DNAH3: variants seen among roughly 807,000 people sequenced by gnomAD.
The protein encoded by DNAH3 is axonemal beta dynein heavy chain 3.
In DNAH3, 332 loss-of-function variants were observed where a neutral mutation model predicts 432.5. That is an observed-to-expected ratio of 0.77 (90% CI 0.70 to 0.84). The LOEUF is 0.84. Among genes scored for constraint, DNAH3 ranks in the 40% least tolerant of loss-of-function variants. The pLI is 0.00. For missense variants in DNAH3, 4,861 were observed against 5,114.0 expected (o/e 0.95, Z 1.51); for synonymous variants, 1,956 against 1,900.2 (o/e 1.03, Z -0.76).
intron 41 of DNAH3, among the ~76,000 whole-genome samples, chr16:21,012,375 CAT>C (rs1002438732): frequency 2.6e-5 from 4 of 152,006 alleles, no homozygotes; most frequent in Non-Finnish European, 4.4e-5. Flanking sequence ...AAATAAAAAA[CAT>C]ATGAAAAACA....
intron 44 of DNAH3, among the ~76,000 whole-genome samples, chr16:20,990,068 C>A (rs1487620197): frequency 1.3e-5 from 2 of 152,234 alleles, no homozygotes; most frequent in African/African-American, 4.8e-5. Flanking sequence ...CCGGCCTTGC[C>A]CAGCCCAGAA....
chr16:21,019,289 T>C (rs913780631), intron 41 of DNAH3: 2 of 273,654 alleles, frequency 7.3e-6, no homozygotes, highest in Admixed American at 1.0e-4. Context: ...CCTGAATAGC[T>C]GGGTTTATAG....
At chr16:20,959,151 A>G (rs754318612) in intron 54 of DNAH3, 28 bp downstream of exon 54, 1 of 1,606,708 alleles carries the variant, frequency 6.2e-7, no homozygotes, top group Non-Finnish European at 8.5e-7. Flanking sequence ...TGGGTCCCAG[A>G]GAAGGCAGTG....
At chr16:21,115,788 CTG>C (rs1300178336) in intron 12 of DNAH3, among the ~76,000 whole-genome samples, 7 of 149,010 alleles carry the variant, frequency 4.7e-5, no homozygotes, top group African/African-American at 7.3e-5. Context: ...AATAAAATAA[CTG>C]TGTGTCTAAG....
At chr16:21,017,625 T>A (rs1201617384) in intron 41 of DNAH3, among the ~76,000 whole-genome samples, 1 of 152,212 alleles carries the variant, frequency 6.6e-6, no homozygotes, top group East Asian at 1.9e-4. Flanking sequence ...TGGGCGCATG[T>A]TTGTTGTCAG....
At chr16:21,061,038 T>G (rs938795293) in intron 25 of DNAH3, among the ~76,000 whole-genome samples, 6 of 150,446 alleles carry the variant, frequency 4.0e-5, no homozygotes, top group Non-Finnish European at 7.4e-5. Context: ...GTGGTCTCTC[T>G]ATGTTGCCCA....
Position 21,116,634 on chromosome 16 carries a change from G to A in DNAH3, c.1814+569C>T, listed in dbSNP as rs575782021. 5.3e-5 allele frequency among the ~76,000 whole-genome samples: 8 copies of A among 152,262 alleles called. No individual in the cohort carries two copies. The East Asian group carries it at 5.8e-4, about 11-fold the overall frequency. ...CGGACTATACATAGTGACTGCTCAC[G>A]TGTGCAGCTGTGAGATGTTTTACAG... On this transcript the variant is annotated intron_variant, in intron 12 of 61. Transcript: ENST00000261383.
intron 14 of DNAH3, among the ~76,000 whole-genome samples, chr16:21,108,948 C>G (rs2092007382): frequency 6.6e-6 from 1 of 151,678 alleles, no homozygotes; most frequent in Admixed American, 6.6e-5. Flanking sequence ...ATGGTGAAAC[C>G]CTGTCTCTAC....
chr16:21,140,745 G>T (rs2092708085), intron 4 of DNAH3, 35 bp from the exon 6 acceptor site: 5 of 1,607,492 alleles, frequency 3.1e-6, no homozygotes, highest in Non-Finnish European at 4.3e-6. Context: ...CTTGGTGTTT[G>T]GTTCTCCAGA....
chr16:20,984,490 G>A (rs1351446576), intron 48 of DNAH3, among the ~76,000 whole-genome samples: 1 of 152,128 alleles, frequency 6.6e-6, no homozygotes. Context: ...TGGAAATGTC[G>A]TTCACAGAGA....
chr16:21,044,943 T>C (rs1326199113), intron 31 of DNAH3, among the ~76,000 whole-genome samples: 3 of 149,230 alleles, frequency 2.0e-5, no homozygotes, highest in Non-Finnish European at 3.0e-5. Context: ...ATGTGGTTTT[T>C]GTCTTTGGCT....
chr16:21,145,220 C>G (rs758130433), exon 3 of DNAH3: 3 of 1,612,918 alleles, frequency 1.9e-6, no homozygotes, highest in Non-Finnish European at 2.5e-6. Context: ...TCCCTAGGGA[C>G]ACTGATGGTG....
chr16:21,005,150 CTCTTTCTTT>C (rs1294296203), intron 41 of DNAH3, among the ~76,000 whole-genome samples: 1 of 147,494 alleles, frequency 6.8e-6, no homozygotes, highest in Non-Finnish European at 1.5e-5. Flanking sequence ...TTTCTCTCGT[CTCTTTCTTT>C]TCTTTCTTTC....
At chr16:20,983,038 G>C in intron 48 of DNAH3, 152 bp from the exon 49 acceptor site, 1 of 716,398 alleles carries the variant, frequency 1.4e-6, no homozygotes, top group Non-Finnish European at 2.3e-6. Flanking sequence ...CATAATGAGT[G>C]CCTGGGAAAT....
chr16:21,025,537 T>C (rs1276464504), intron 38 of DNAH3, among the ~76,000 whole-genome samples: 1 of 148,854 alleles, frequency 6.7e-6, no homozygotes, highest in Non-Finnish European at 1.5e-5. Context: ...ATTATAGATA[T>C]AATATATTTA....
At position 21,072,240 on chromosome 16, in the gene DNAH3, A is replaced by AATTTATTT. The variant is rs1555547235; in HGVS notation, c.3085-1415_3085-1414insAAATAAAT. Among the ~76,000 whole-genome samples the AATTTATTT allele has an allele frequency of 1.2e-3, 187 of 151,540 alleles. 1 individual carries two copies. The highest frequency in any genetic ancestry group is 4.1e-3 in the African/African-American group (168 of 41,386). ...TGTTTAATTAATTAATTAATTAATT[A>AATTTATTT]ATTTTAATTTTATTATTATTATACT... On this transcript the variant is annotated intron_variant, in intron 21 of 61. Transcript: ENST00000261383.
chr16:21,019,608 A>G lies in DNAH3; in HGVS notation c.6022+16T>C, dbSNP rs1207431238. ...CAACTATTATACTAGAACATAACAA[A>G]CAGGTTCTAAATTACCTCTTTCTGG... On this transcript the variant is annotated intron_variant, in intron 41 of 61. Coordinates refer to ENST00000261383, the Ensembl canonical transcript of DNAH3. The G allele has an allele frequency of 6.2e-7, 1 of 1,613,794 alleles. No homozygotes were observed. Among genetic ancestry groups the G allele is most frequent in the Non-Finnish European group, 8.5e-7 (1 of 1,179,838 alleles).
At chr16:21,144,963 CA>C (rs113322426) in intron 3 of DNAH3, among the ~76,000 whole-genome samples, 3 of 150,216 alleles carry the variant, frequency 2.0e-5, no homozygotes. Context: ...ACTAAAAATA[CA>C]AAAAAAAATA....
At position 21,019,774 on chromosome 16, in the gene DNAH3, A is replaced by C. The variant is rs769310880; in HGVS notation, c.5872T>G (p.Ser1958Ala). 1.7e-5 allele frequency: 27 copies of C among 1,614,022 alleles called. No individual in the cohort carries two copies. In the African/African-American group the frequency reaches 3.6e-4, roughly 22 times the overall value. The change falls in exon 41 of 62, where the codon TCC (serine) becomes GCC (alanine). Residue 1958 changes from serine (S) to alanine (A), a missense_variant. Physicochemically the swap from Ser to Ala is moderately conservative, Grantham distance 99. Transcript: ENST00000261383. ...GTGCCAGCCACGGTCCACACCAAGG[A>C]AAAGAGAAACAGTCCTTGGAGCCAG...
Sources: gnomAD v4.1 joint callset for allele counts (sites outside exome capture counted in the v4.1 genomes callset) on GRCh38, gnomAD v4.1.1 for gene constraint, MANE v1.5 for transcripts, NCBI Gene and HGNC (gene_info 2026-07-23, HGNC 2026-07-21) for gene names.